LYPD6B: variants seen among roughly 807,000 people sequenced by gnomAD.
LYPD6B encodes ly6/PLAUR domain-containing protein 6B.
In LYPD6B, 17 loss-of-function variants were observed where a neutral mutation model predicts 22.8. That is an observed-to-expected ratio of 0.75 (90% CI 0.51 to 1.12). LYPD6B has a LOEUF of 1.12. Among genes scored for constraint, LYPD6B ranks in the 50% most tolerant of loss-of-function variants. The pLI is 0.00. For synonymous variants in LYPD6B, 106 were observed against 91.6 expected, an observed-to-expected ratio of 1.16 and a Z score of -0.90; for missense variants, 221 against 258.3, an observed-to-expected ratio of 0.86 and a Z score of 0.99.
chr2:149,065,150 C>G (rs1232167225), intron 1 of LYPD6B, among the ~76,000 whole-genome samples: 1 of 152,220 alleles, frequency 6.6e-6, no homozygotes, highest in East Asian at 1.9e-4. Context: ...CTTCTTTTGT[C>G]TCCTTACGAG....
chr2:149,175,251 C>T (rs1419122216), intron 3 of LYPD6B, among the ~76,000 whole-genome samples: 3 of 152,132 alleles, frequency 2.0e-5, no homozygotes, highest in Non-Finnish European at 4.4e-5. Context: ...GGCTACAATC[C>T]TATACAGCAT....
intron 2 of LYPD6B, among the ~76,000 whole-genome samples, chr2:149,135,812 C>T (rs1010700674): frequency 6.6e-5 from 10 of 151,336 alleles, no homozygotes; most frequent in African/African-American, 2.4e-4. Context: ...ATTAAGAAGC[C>T]TCAGAAGTCA....
chr2:149,172,751 T>G (rs1433731268), intron 3 of LYPD6B, among the ~76,000 whole-genome samples: 2 of 152,084 alleles, frequency 1.3e-5, no homozygotes, highest in African/African-American at 2.4e-5. Context: ...ATTAAGGGCC[T>G]GAACAGAACG....
intron 1 of LYPD6B, among the ~76,000 whole-genome samples, chr2:149,047,527 CT>C (rs1683366158): frequency 6.6e-6 from 1 of 151,552 alleles, no homozygotes; most frequent in Non-Finnish European, 1.5e-5. Context: ...TTATTTTTGT[CT>C]TTGGTTTTCA....
chr2:149,174,549 A>C (rs1691116494), intron 3 of LYPD6B, among the ~76,000 whole-genome samples: 1 of 152,082 alleles, frequency 6.6e-6, no homozygotes, highest in South Asian at 2.1e-4. Flanking sequence ...TTATTTTGAG[A>C]TATGGTCCTT....
At chr2:149,062,563 T>TA (rs1327675583) in intron 1 of LYPD6B, among the ~76,000 whole-genome samples, 3 of 152,186 alleles carry the variant, frequency 2.0e-5, no homozygotes, top group Non-Finnish European at 4.4e-5. Flanking sequence ...GCTTACGTTA[T>TA]AAAATCAAGC....
chr2:149,137,793 A>G (rs763145090), intron 2 of LYPD6B, among the ~76,000 whole-genome samples: 21 of 152,184 alleles, frequency 1.4e-4, no homozygotes, highest in Non-Finnish European at 2.9e-4. Flanking sequence ...TAAATATTCT[A>G]TTATTTCATT....
At chr2:149,101,838 G>T (rs981749298) in intron 1 of LYPD6B, among the ~76,000 whole-genome samples, 1 of 152,220 alleles carries the variant, frequency 6.6e-6, no homozygotes, top group African/African-American at 2.4e-5. Flanking sequence ...GATATCAGAG[G>T]CAGGAACTCT....
chr2:149,055,815 A>T (rs773724279), intron 1 of LYPD6B, among the ~76,000 whole-genome samples: 2 of 152,198 alleles, frequency 1.3e-5, no homozygotes, highest in Non-Finnish European at 2.9e-5. Context: ...GTCATCTCCA[A>T]ATGGAGGTAG....
At chr2:149,212,219 T>TA (rs1299150360) in intron 5 of LYPD6B, among the ~76,000 whole-genome samples, 2 of 145,088 alleles carry the variant, frequency 1.4e-5, no homozygotes, top group African/African-American at 5.1e-5. Context: ...CTACTAAAAA[T>TA]CAAAAAAAAA....
At chr2:149,209,081 C>T (rs1693681421) in intron 5 of LYPD6B, among the ~76,000 whole-genome samples, 1 of 152,084 alleles carries the variant, frequency 6.6e-6, no homozygotes, top group African/African-American at 2.4e-5. Flanking sequence ...GCTGCAGAGG[C>T]TTAGTGGGAG....
chr2:149,096,442 G>A (rs373787110), intron 1 of LYPD6B, among the ~76,000 whole-genome samples: 2 of 152,208 alleles, frequency 1.3e-5, no homozygotes, highest in Non-Finnish European at 2.9e-5. Context: ...AATCATTTGA[G>A]AGACAAGTAG....
chr2:149,123,914 A>G (rs1038121235), intron 1 of LYPD6B, among the ~76,000 whole-genome samples: 2 of 152,214 alleles, frequency 1.3e-5, no homozygotes, highest in African/African-American at 4.8e-5. Flanking sequence ...ACAGTTCTTC[A>G]CCGCAAGAAT....
intron 1 of LYPD6B, among the ~76,000 whole-genome samples, chr2:149,115,245 G>A (rs1396329282): frequency 6.6e-6 from 1 of 152,080 alleles, no homozygotes; most frequent in Admixed American, 6.5e-5. Flanking sequence ...AGCCTACAGT[G>A]ATTTAAATAA....
intron 3 of LYPD6B, among the ~76,000 whole-genome samples, chr2:149,165,701 C>T (rs1690372791): frequency 6.6e-6 from 1 of 152,138 alleles, no homozygotes; most frequent in African/African-American, 2.4e-5. Context: ...AGCAACTTCC[C>T]TCGAAGTCAT....
intron 1 of LYPD6B, among the ~76,000 whole-genome samples, chr2:149,075,047 T>G (rs1684817986): frequency 6.6e-6 from 1 of 152,334 alleles, no homozygotes; most frequent in Non-Finnish European, 1.5e-5. Context: ...TTTTAAGGAC[T>G]TCGTATTTCA....
chr2:149,185,215 C>T (rs757196266), intron 3 of LYPD6B, among the ~76,000 whole-genome samples: 14 of 152,214 alleles, frequency 9.2e-5, no homozygotes, highest in Non-Finnish European at 1.9e-4. Flanking sequence ...TTTCAGTGGA[C>T]CAATTAAAGA....
At chr2:149,075,208 A>G (rs879355725) in intron 1 of LYPD6B, among the ~76,000 whole-genome samples, 1 of 152,120 alleles carries the variant, frequency 6.6e-6, no homozygotes, top group Non-Finnish European at 1.5e-5. Context: ...TTTCCCTCCC[A>G]TTTTATAAAC....
intron 3 of LYPD6B, among the ~76,000 whole-genome samples, chr2:149,198,878 T>C (rs1304074421): frequency 3.9e-5 from 6 of 152,190 alleles, no homozygotes; most frequent in Non-Finnish European, 8.8e-5. Context: ...TCTTCATTAA[T>C]CTCTTTCCAT....
Sources: gnomAD v4.1 joint callset for allele counts (sites outside exome capture counted in the v4.1 genomes callset) on GRCh38, gnomAD v4.1.1 for gene constraint, MANE v1.5 for transcripts, NCBI Gene and HGNC (gene_info 2026-07-23, HGNC 2026-07-21) for gene names.